HECTD4: variants seen among roughly 807,000 people sequenced by gnomAD.
HECTD4 encodes HECT domain E3 ubiquitin protein ligase 4.
A neutral mutation model predicts 471.5 loss-of-function variants in HECTD4; 114 were observed. The ratio of observed to expected loss-of-function variants is 0.24; its 90% confidence interval spans 0.21 to 0.28. The LOEUF (loss-of-function observed/expected upper bound fraction) is 0.28. HECTD4 is among the 10% of genes least tolerant of loss of function. The pLI is 1.00. For missense variants in HECTD4, 3,866 were observed against 5,651.5 expected, an observed-to-expected ratio of 0.68 and a Z score of 10.13; for synonymous variants, 2,012 against 2,256.0, an observed-to-expected ratio of 0.89 and a Z score of 3.07.
At chr12:112,331,887 A>G (rs770318131) in intron 1 of HECTD4, among the ~76,000 whole-genome samples, 11 of 152,194 alleles carry the variant, frequency 7.2e-5, no homozygotes, top group Non-Finnish European at 1.6e-4. Context: ...ATATTCTGCA[A>G]TGGTCAAACT....
chr12:112,381,591 G>A lies in HECTD4; in HGVS notation c.177+361C>T, dbSNP rs963607781. 6.6e-6 allele frequency among the ~76,000 whole-genome samples: 1 copy of A among 152,330 alleles called. No homozygotes were observed. Among genetic ancestry groups the A allele is most frequent in the African/African-American group, 2.4e-5 (1 of 41,588 alleles). The stretch of plus-strand genomic sequence containing the variant: ...GCAACCTGGGTGTGCCCTGGAAGTG[G>A]GTCCTGGGGGCCCGTGGGGGAGGGG... On this transcript the variant is annotated intron_variant, in intron 1 of 75. Transcript: ENST00000682272. This position sits in a 1 kb window ranked among gnomAD's most constrained non-coding sequence, Gnocchi z 4.1.
chr12:112,226,230 C>T (rs2033230577), intron 44 of HECTD4, among the ~76,000 whole-genome samples: 1 of 152,072 alleles, frequency 6.6e-6, no homozygotes, highest in Non-Finnish European at 1.5e-5. Flanking sequence ...CTCACACACA[C>T]ACTCACACAC....
intron 72 of HECTD4, 101 bp downstream of exon 72, chr12:112,167,216 A>C (rs1593886341): frequency 9.3e-7 from 1 of 1,080,684 alleles, no homozygotes; most frequent in East Asian, 2.4e-5. Flanking sequence ...TGGGATCCCA[A>C]CCCAGCCTCA....
intron 62 of HECTD4, among the ~76,000 whole-genome samples, chr12:112,180,178 C>G (rs1440377973): frequency 6.6e-6 from 1 of 152,188 alleles, no homozygotes; most frequent in East Asian, 1.9e-4. Flanking sequence ...CATATCTGGG[C>G]TGAGGGTGGG....
At chr12:112,249,180 C>T (rs919896036) in intron 25 of HECTD4, among the ~76,000 whole-genome samples, 1 of 151,902 alleles carries the variant, frequency 6.6e-6, no homozygotes, top group Non-Finnish European at 1.5e-5. Flanking sequence ...CGTGGAGAAA[C>T]CCCGTCTCTA....
At position 112,265,180 on chromosome 12, in the gene HECTD4, C is replaced by G. The variant is rs1425396269; in HGVS notation, c.2614G>C (p.Val872Leu). ...KDDFQKLLSTVPAASSCLRYL... is the reference protein window; with the variant it reads ...KDDFQKLLSTLPAASSCLRYL... ...TTAAACACATTTTTACTTACAGGCACAGTTGAAAGGAGCTTTTGAAAATCA... is the reference window on the plus strand; with the variant it reads ...TTAAACACATTTTTACTTACAGGCAGAGTTGAAAGGAGCTTTTGAAAATCA... The change falls in exon 16 of 76, where the codon GTG becomes CTG. Residue 872 changes from valine (V) to leucine (L), a missense_variant. Val to Leu is a conservative substitution (Grantham distance 32, BLOSUM62 1). Transcript: ENST00000682272. 6.3e-7 allele frequency: 1 copy of G among 1,592,614 alleles called. No homozygotes were observed. The highest frequency in any genetic ancestry group is 2.3e-5 in the East Asian group (1 of 44,252).
At position 112,188,980 on chromosome 12, in the gene HECTD4, G is replaced by A. The variant is rs2137034421; in HGVS notation, c.9472+1806C>T. 6.6e-6 allele frequency among the ~76,000 whole-genome samples: 1 copy of A among 152,328 alleles called. No homozygotes were observed. Among genetic ancestry groups the A allele is most frequent in the East Asian group, 1.9e-4 (1 of 5,190 alleles). On this transcript the variant is annotated intron_variant, in intron 60 of 75. Transcript: ENST00000682272. This position sits in a 1 kb window ranked among gnomAD's most constrained non-coding sequence, Gnocchi z 4.2. Reference sequence around the variant, plus strand: ...AATTGCACATGACGGCCTATGCGCTGAAACTTATTCTCAGACAGTGTTCTC... The same window carrying A: ...AATTGCACATGACGGCCTATGCGCTAAAACTTATTCTCAGACAGTGTTCTC...
At chr12:112,282,802 C>G (rs1170601977) in intron 8 of HECTD4, among the ~76,000 whole-genome samples, 1 of 152,172 alleles carries the variant, frequency 6.6e-6, no homozygotes, top group Non-Finnish European at 1.5e-5. Flanking sequence ...TGCTAAGTAT[C>G]AGGTTTTCTC....
rs888992983 is a variant in HECTD4 at position 112,274,719 on chromosome 12, C to T, written c.1801+128G>A. The T allele has an allele frequency of 2.5e-5, 16 of 649,208 alleles. No individual in the cohort carries two copies. The African/African-American group carries it at 2.6e-4, about 10-fold the overall frequency. 40.2% of individuals were successfully genotyped at this position (649,208 alleles called of 1,614,324 possible). ...AGACCCTGTCTCAAACAAAACAAAA[C>T]AAAACAAAACAAAAAACGTCTTTCT... is the stretch of plus-strand genomic sequence containing the variant. On this transcript the variant is annotated intron_variant, in intron 10 of 75. Transcript: ENST00000682272.
At chr12:112,324,358 G>A (rs976063673) in intron 1 of HECTD4, among the ~76,000 whole-genome samples, 7 of 151,454 alleles carry the variant, frequency 4.6e-5, no homozygotes, top group African/African-American at 9.7e-5. Context: ...GAGCTCAAGC[G>A]ATCTGCTTGC....
intron 1 of HECTD4, among the ~76,000 whole-genome samples, chr12:112,362,004 G>A (rs547931457): frequency 1.3e-5 from 2 of 152,266 alleles, no homozygotes; most frequent in East Asian, 1.9e-4. Flanking sequence ...GAAATAAACC[G>A]GTAGGATCAG....
In HECTD4 at chr12:112,279,269, C is replaced by T. The variant is rs1314447042; in HGVS notation, c.1646G>A (p.Arg549Gln). ...PPGGSGSSATRSLFGGTSGLS... is the reference protein window; with the variant it reads ...PPGGSGSSATQSLFGGTSGLS... Reference sequence around the variant, plus strand: ...ACCACTTGTTCCACCAAAAAGAGATCGGGTGGCAGAGCTGCCTGATCCCCC... The same window carrying T: ...ACCACTTGTTCCACCAAAAAGAGATTGGGTGGCAGAGCTGCCTGATCCCCC... The change falls in exon 9 of 76, where the codon CGA becomes CAA. Residue 549 changes from arginine to glutamine, a missense_variant. Physicochemically the swap from Arg to Gln is conservative, Grantham distance 43. This residue lies in a region of HECTD4 where 525 missense variants were observed against 672.6 expected (regional missense o/e 0.78). Coordinates refer to ENST00000682272, the MANE Select transcript of HECTD4 (RefSeq NM_001388303.1). 3 of 1,612,040 alleles carry T rather than the reference C, an allele frequency of 1.9e-6. No individual in the cohort carries two copies. The highest frequency in any genetic ancestry group is 2.5e-6 in the Non-Finnish European group (3 of 1,179,506).
intron 1 of HECTD4, among the ~76,000 whole-genome samples, chr12:112,332,765 A>T (rs2035866699): frequency 6.6e-6 from 1 of 151,826 alleles, no homozygotes; most frequent in Non-Finnish European, 1.5e-5. Flanking sequence ...TTAGTATAAT[A>T]CATTCACATT....
At chr12:112,379,814 G>C (rs1364744742) in intron 1 of HECTD4, among the ~76,000 whole-genome samples, 3 of 151,450 alleles carry the variant, frequency 2.0e-5, no homozygotes, top group African/African-American at 7.3e-5. Flanking sequence ...ATACCATGGA[G>C]CCTGTATAAC....
intron 7 of HECTD4, among the ~76,000 whole-genome samples, chr12:112,305,761 T>A (rs1594029776): frequency 6.6e-6 from 1 of 152,250 alleles, no homozygotes; most frequent in East Asian, 1.9e-4. Context: ...TTCTTGCTAC[T>A]GTAATGTTGC....
At chr12:112,237,165 G>C in intron 34 of HECTD4, 67 bp from the exon 35 acceptor site, 1 of 1,425,976 alleles carries the variant, frequency 7.0e-7, no homozygotes, top group South Asian at 1.4e-5. Flanking sequence ...GAGCCTGAGG[G>C]GGCGGCGAGC....
intron 18 of HECTD4, among the ~76,000 whole-genome samples, 194 bp from the exon 19 acceptor site, chr12:112,259,459 A>G (rs577941821): frequency 6.6e-6 from 1 of 151,890 alleles, no homozygotes; most frequent in African/African-American, 2.4e-5. Flanking sequence ...ACAGAAATAA[A>G]GCTATTAATA....
At position 112,231,692 on chromosome 12, in the gene HECTD4, T is replaced by C. The variant is rs567992937; in HGVS notation, c.6021A>G (p.Thr2007=). 430 of 1,612,378 alleles carry C rather than the reference T, an allele frequency of 2.7e-4. 5 individuals are homozygous for C. In the South Asian group the frequency reaches 4.4e-3, roughly 16 times the overall value. ...MTKGGCCEVI[T]EEAAAALRKA... ...TCCGCAGGGCGGCTGCAGCCTCTTC[T>C]GTAATCACTTCGCAACAGCCACCCT... The change falls in exon 39 of 76, where the codon ACA becomes ACG. Residue 2007 remains threonine (T), a synonymous_variant. Coordinates refer to ENST00000682272, the MANE Select transcript of HECTD4 (RefSeq NM_001388303.1).
intron 60 of HECTD4, 146 bp from the exon 61 acceptor site, chr12:112,185,639 A>G: frequency 3.4e-6 from 2 of 587,182 alleles, no homozygotes; most frequent in Non-Finnish European, 5.7e-6. Context: ...GGAGAAACAG[A>G]GGTTGGGAGG....
Sources: gnomAD v4.1 joint callset for allele counts (sites outside exome capture counted in the v4.1 genomes callset) on GRCh38, gnomAD v4.1.1 for gene constraint, gnomAD v4.1.1 regional missense constraint, Gnocchi (gnomAD v3.1) non-coding constraint, MANE v1.5 for transcripts, NCBI Gene and HGNC (gene_info 2026-07-23, HGNC 2026-07-21) for gene names.